JAZF1: variants seen among roughly 807,000 people sequenced by gnomAD.
The protein encoded by JAZF1 is JAZF zinc finger 1.
Under a neutral mutation model 26.4 loss-of-function variants are expected in JAZF1, and 8 were observed. The ratio of observed to expected loss-of-function variants is 0.30; its 90% CI spans 0.18 to 0.55. The LOEUF is 0.55. Among genes scored for constraint, JAZF1 ranks in the 20% least tolerant of loss-of-function variants. The pLI is 0.94. For synonymous variants in JAZF1, 126 were observed against 122.3 expected (o/e 1.03, Z -0.20); for missense variants, 199 against 322.0 (o/e 0.62, Z 2.92).
chr7:27,932,037 A>G (rs1784695403), intron 2 of JAZF1, among the ~76,000 whole-genome samples: 1 of 152,266 alleles, frequency 6.6e-6, no homozygotes, highest in Admixed American at 6.5e-5. Context: ...AACTCGTTTG[A>G]TAAACTAATA....
At chr7:27,879,093 C>T (rs1233905690) in intron 3 of JAZF1, among the ~76,000 whole-genome samples, 1 of 152,182 alleles carries the variant, frequency 6.6e-6, no homozygotes, top group Non-Finnish European at 1.5e-5. Context: ...TCTCTGAAAC[C>T]TGTAATTCTT....
At chr7:28,171,930 T>C (rs1255944342) in intron 1 of JAZF1, among the ~76,000 whole-genome samples, 2 of 152,200 alleles carry the variant, frequency 1.3e-5, no homozygotes, top group Non-Finnish European at 2.9e-5. Flanking sequence ...ATTCAGACTT[T>C]TCTTATGAAA....
intron 2 of JAZF1, among the ~76,000 whole-genome samples, chr7:27,988,068 T>C (rs1785770432): frequency 1.3e-5 from 2 of 152,182 alleles, no homozygotes; most frequent in African/African-American, 4.8e-5. Flanking sequence ...TGCAGGGTCC[T>C]CTGCCTAGGA....
In JAZF1 at chr7:27,897,369, T is replaced by C. The variant is rs150337238; in HGVS notation, c.189-1953A>G. On this transcript the variant is annotated intron_variant, in intron 2 of 4. Transcript: ENST00000283928. ...GGTTCAAATCCTGGCTGGGTTATTATGTAATTTGAGGCAAGTTGATAAACT... is the reference window on the plus strand; with the variant it reads ...GGTTCAAATCCTGGCTGGGTTATTACGTAATTTGAGGCAAGTTGATAAACT... Among the ~76,000 whole-genome samples, 124 of 152,330 alleles carry C rather than the reference T, an allele frequency of 8.1e-4. 2 individuals are homozygous for C. Among genetic ancestry groups the C allele is most frequent in the African/African-American group, 2.9e-3 (120 of 41,574 alleles).
At chr7:28,013,123 T>C (rs915901514) in intron 1 of JAZF1, among the ~76,000 whole-genome samples, 30 of 152,104 alleles carry the variant, frequency 2.0e-4, no homozygotes, top group Non-Finnish European at 2.2e-4. Context: ...CCAGTTTAAT[T>C]TGATCTGGCA....
intron 3 of JAZF1, among the ~76,000 whole-genome samples, chr7:27,845,696 C>CAAAAA (rs796643520): frequency 7.8e-5 from 4 of 50,982 alleles, no homozygotes; most frequent in African/African-American, 2.5e-4. Context: ...GACTCTGCCT[C>CAAAAA]AAAAAAAAAA....
intron 1 of JAZF1, among the ~76,000 whole-genome samples, chr7:28,159,141 G>C (rs1449394492): frequency 6.6e-6 from 1 of 151,978 alleles, no homozygotes; most frequent in Non-Finnish European, 1.5e-5. Context: ...TAGCAAAATA[G>C]GCAGGAAGGT....
intron 1 of JAZF1, among the ~76,000 whole-genome samples, chr7:28,121,984 T>C (rs373326148): frequency 1.3e-5 from 2 of 152,270 alleles, no homozygotes. Context: ...AAAAGAAAAG[T>C]TTTCAAGATC....
chr7:27,945,272 T>G (rs1033113364), intron 2 of JAZF1, among the ~76,000 whole-genome samples: 1 of 152,140 alleles, frequency 6.6e-6, no homozygotes, highest in Non-Finnish European at 1.5e-5. Flanking sequence ...TGCGGCATTA[T>G]GACAGCTAGC....
rs138045177 is a variant in JAZF1 at position 27,897,655 on chromosome 7, G to A, written c.189-2239C>T. On this transcript the variant is annotated intron_variant, in intron 2 of 4. Coordinates refer to ENST00000283928, the MANE Select transcript of JAZF1 (RefSeq NM_175061.4). ...GAATCCTGATTTGGACTTCCCGAGC[G>A]TGGTGATCTTGTAGCTGGGCATGGC... Among the ~76,000 whole-genome samples the A allele has an allele frequency of 6.4e-4, 97 of 152,346 alleles. 1 individual carries two copies. The East Asian group carries it at 0.018, about 28-fold the overall frequency.
intron 1 of JAZF1, among the ~76,000 whole-genome samples, chr7:28,124,368 C>T (rs991539895): frequency 1.3e-5 from 2 of 152,206 alleles, no homozygotes; most frequent in Non-Finnish European, 2.9e-5. Flanking sequence ...CTACACTTAA[C>T]GCCAACTGGC....
chr7:28,160,453 A>G (rs75626255), intron 1 of JAZF1, among the ~76,000 whole-genome samples: 4 of 152,198 alleles, frequency 2.6e-5, no homozygotes, highest in Admixed American at 2.0e-4. Context: ...CTGCACCCCC[A>G]GCACTTACAG....
At chr7:28,059,088 A>G (rs1379953255) in intron 1 of JAZF1, among the ~76,000 whole-genome samples, 4 of 152,364 alleles carry the variant, frequency 2.6e-5, no homozygotes, top group South Asian at 4.1e-4. Flanking sequence ...TAACATAATA[A>G]GTACATAAAC....
chr7:28,058,097 C>T (rs1783741370), intron 1 of JAZF1, among the ~76,000 whole-genome samples: 1 of 152,054 alleles, frequency 6.6e-6, no homozygotes, highest in Admixed American at 6.6e-5. Flanking sequence ...TTAGACTTTG[C>T]CAGTGTGTGA....
At chr7:28,075,352 T>C (rs538154136) in intron 1 of JAZF1, among the ~76,000 whole-genome samples, 1 of 152,332 alleles carries the variant, frequency 6.6e-6, no homozygotes, top group African/African-American at 2.4e-5. Flanking sequence ...TTTATTTACT[T>C]ACAACAGGGC....
intron 1 of JAZF1, 91 bp downstream of exon 1, chr7:28,180,372 C>T (rs1297377776): frequency 2.0e-6 from 2 of 994,850 alleles, no homozygotes; most frequent in East Asian, 3.0e-5. Context: ...CGCCTCCCTC[C>T]CCGCCGGCCA....
chr7:27,890,730 TCCA>T (rs1286860715), intron 3 of JAZF1, among the ~76,000 whole-genome samples: 3 of 151,336 alleles, frequency 2.0e-5, no homozygotes, highest in Non-Finnish European at 4.4e-5. Flanking sequence ...CAGCAAACAC[TCCA>T]CAAGTGCTAC....
At chr7:27,907,375 C>G (rs1240331698) in intron 2 of JAZF1, among the ~76,000 whole-genome samples, 4 of 152,208 alleles carry the variant, frequency 2.6e-5, no homozygotes, top group African/African-American at 7.2e-5. Context: ...GCTCCTGACC[C>G]TTTCCCAGGA....
rs895369541 is a variant in JAZF1 at position 28,022,597 on chromosome 7, A to G, written c.116-30616T>C. 2.6e-5 allele frequency among the ~76,000 whole-genome samples: 4 copies of G among 152,256 alleles called. No individual in the cohort carries two copies. The South Asian group carries it at 6.2e-4, about 24-fold the overall frequency. Reference sequence around the variant, plus strand: ...GAAAATTATAAAAAACAAGTTACCCATAATCAACTATCCAAACATAGTTCA... The same window carrying G: ...GAAAATTATAAAAAACAAGTTACCCGTAATCAACTATCCAAACATAGTTCA... On this transcript the variant is annotated intron_variant, in intron 1 of 4. Coordinates refer to ENST00000283928, the MANE Select transcript of JAZF1 (RefSeq NM_175061.4).
Sources: gnomAD v4.1 joint callset for allele counts (sites outside exome capture counted in the v4.1 genomes callset) on GRCh38, gnomAD v4.1.1 for gene constraint, MANE v1.5 for transcripts, NCBI Gene and HGNC (gene_info 2026-07-23, HGNC 2026-07-21) for gene names.